SYNE1: variants seen among roughly 807,000 people sequenced by gnomAD.
The protein encoded by SYNE1 is nesprin-1.
A neutral mutation model predicts 1,111.0 loss-of-function variants in SYNE1; 616 were observed. That is an observed-to-expected ratio of 0.55 (90% CI 0.52 to 0.59). The LOEUF (loss-of-function observed/expected upper bound fraction) is 0.59. Ranked by LOEUF, SYNE1 falls within the 20% of genes least tolerant of loss-of-function variation. The pLI, the probability that SYNE1 is intolerant of heterozygous loss-of-function variation, is 0.00. For missense variants in SYNE1, 10,006 were observed against 10,417.0 expected (o/e 0.96, Z 1.72); for synonymous variants, 3,855 against 3,825.8 (o/e 1.01, Z -0.28).
chr6:152,581,493 C>A (rs1226128459), intron 3 of SYNE1, among the ~76,000 whole-genome samples: 1 of 152,198 alleles, frequency 6.6e-6, no homozygotes, highest in Non-Finnish European at 1.5e-5. Context: ...AGGAAAATAA[C>A]CATGTAAACA....
At chr6:152,461,420 G>A (rs2098733478) in intron 21 of SYNE1, among the ~76,000 whole-genome samples, 177 bp downstream of exon 21, 1 of 152,010 alleles carries the variant, frequency 6.6e-6, no homozygotes, top group Admixed American at 6.6e-5. Context: ...CTTGGTATCA[G>A]CATCATAGTT....
In SYNE1 at chr6:152,254,997, T is replaced by G. The variant is rs2090461039; in HGVS notation, c.19353A>C (p.Arg6451=). The part of the protein sequence containing the change: ...SQAFPENGDN[R]DVIEDTLGCL... ...AACCCAAAGTATCTTCAATAACATC[T>G]CGATTATCACCATTCTCTGGAAAAG... The change falls in exon 104 of 146, where the codon CGA becomes CGC. Residue 6451 remains arginine, a synonymous_variant. Coordinates refer to ENST00000367255, the MANE Select transcript of SYNE1 (RefSeq NM_182961.4). 6.2e-7 allele frequency: 1 copy of G among 1,613,928 alleles called. No individual in the cohort carries two copies. Among genetic ancestry groups the G allele is most frequent in the East Asian group, 2.2e-5 (1 of 44,822 alleles).
At chr6:152,541,337 T>C (rs893729468) in intron 3 of SYNE1, among the ~76,000 whole-genome samples, 2 of 152,180 alleles carry the variant, frequency 1.3e-5, no homozygotes, top group African/African-American at 4.8e-5. Context: ...TAGAGATAGA[T>C]CTTTCACCTC....
chr6:152,582,946 G>A lies in SYNE1; in HGVS notation c.68-42925C>T, dbSNP rs775327374. Among the ~76,000 whole-genome samples, 40 of 152,048 alleles carry A rather than the reference G, an allele frequency of 2.6e-4. 1 individual carries two copies. The highest frequency in any genetic ancestry group is 5.3e-4 in the Non-Finnish European group (36 of 68,016). On this transcript the variant is annotated intron_variant, in intron 3 of 145. Transcript: ENST00000367255. ...ATCATATTTAAAATTTTTCATCAGA[G>A]TATTCTATTTAGTAATTGTTTTGCT...
chr6:152,550,811 C>G (rs534658666), intron 3 of SYNE1, among the ~76,000 whole-genome samples: 1 of 152,038 alleles, frequency 6.6e-6, no homozygotes, highest in South Asian at 2.1e-4. Context: ...ATAGTATGTG[C>G]ACCGTATCAC....
intron 3 of SYNE1, among the ~76,000 whole-genome samples, chr6:152,579,546 G>A (rs2099512346): frequency 6.6e-6 from 1 of 152,190 alleles, no homozygotes; most frequent in East Asian, 1.9e-4. Flanking sequence ...GGTTCAGGGG[G>A]TGCATGTACA....
intron 40 of SYNE1, 22 bp downstream of exon 40, chr6:152,419,547 A>T (rs541787074): frequency 2.4e-5 from 18 of 762,458 alleles, no homozygotes; most frequent in Non-Finnish European, 3.1e-5. Flanking sequence ...CTTCAATCTT[A>T]AAAAAAAAAA....
At chr6:152,617,448 A>G (rs1268646809) in intron 3 of SYNE1, among the ~76,000 whole-genome samples, 1 of 152,242 alleles carries the variant, frequency 6.6e-6, no homozygotes, top group Non-Finnish European at 1.5e-5. Flanking sequence ...CCACAGCTCC[A>G]TGAGGAAACA....
chr6:152,591,971 T>C (rs2128523235), intron 3 of SYNE1, among the ~76,000 whole-genome samples: 1 of 152,218 alleles, frequency 6.6e-6, no homozygotes, highest in East Asian at 1.9e-4. Flanking sequence ...CATAATGAGA[T>C]ACCATCTCAC....
intron 4 of SYNE1, among the ~76,000 whole-genome samples, chr6:152,533,625 G>A (rs903481535): frequency 1.3e-5 from 2 of 151,984 alleles, no homozygotes; most frequent in Admixed American, 1.3e-4. Flanking sequence ...TGGCCAGATG[G>A]CTTCAATAAC....
At chr6:152,320,488 T>C (rs989044048) in intron 84 of SYNE1, among the ~76,000 whole-genome samples, 3 of 152,188 alleles carry the variant, frequency 2.0e-5, no homozygotes, top group Non-Finnish European at 4.4e-5. Context: ...CATTAAACTT[T>C]AATAGCTTTA....
chr6:152,637,055 A>G (rs1441127552), intron 1 of SYNE1, 134 bp downstream of exon 1: 1 of 152,300 alleles, frequency 6.6e-6, no homozygotes, highest in Non-Finnish European at 1.5e-5. Context: ...GCCTCTGGGC[A>G]GGGTCCCTGC....
chr6:152,397,896 G>T (rs544683895), intron 49 of SYNE1, among the ~76,000 whole-genome samples: 9 of 151,852 alleles, frequency 5.9e-5, no homozygotes, highest in Non-Finnish European at 1.2e-4. Flanking sequence ...AGCTACTTGG[G>T]AGGCTGAGGC....
intron 100 of SYNE1, among the ~76,000 whole-genome samples, chr6:152,262,894 C>T (rs142528626): frequency 2.0e-4 from 29 of 145,290 alleles, no homozygotes; most frequent in African/African-American, 6.5e-4. Flanking sequence ...GTACAGGGCA[C>T]GGAGGGATAG....
intron 2 of SYNE1, among the ~76,000 whole-genome samples, chr6:152,633,157 G>A (rs191023521): frequency 3.9e-4 from 59 of 152,306 alleles, no homozygotes; most frequent in African/African-American, 1.4e-3. Context: ...GATACTGCGG[G>A]AGCACGAAGG....
At chr6:152,375,746 A>C (rs1380422165) in intron 58 of SYNE1, among the ~76,000 whole-genome samples, 1 of 152,218 alleles carries the variant, frequency 6.6e-6, no homozygotes, top group African/African-American at 2.4e-5. Context: ...GTGAAAATTA[A>C]ATGAGAAAAT....
At position 152,141,281 on chromosome 6, in the gene SYNE1, G is replaced by A. The variant is rs1194250517; in HGVS notation, c.25168C>T (p.Leu8390=). 3 of 1,614,130 alleles carry A rather than the reference G, an allele frequency of 1.9e-6. No individual in the cohort carries two copies. Among genetic ancestry groups the A allele is most frequent in the South Asian group, 1.1e-5 (1 of 91,084 alleles). ...CSSSIDSVKR[L]EHKLKEEEES... ...TCTTCCTCCTTCAGTTTGTGCTCCAGTCTCTTCACGGAGTCTATACTGCTA... is the reference window on the plus strand; with the variant it reads ...TCTTCCTCCTTCAGTTTGTGCTCCAATCTCTTCACGGAGTCTATACTGCTA... Residue 8390 remains leucine, a synonymous_variant, in exon 139 of 146, where the codon CTG becomes TTG. Transcript: ENST00000367255.
At chr6:152,545,157 T>C (rs2099303068) in intron 3 of SYNE1, among the ~76,000 whole-genome samples, 1 of 152,212 alleles carries the variant, frequency 6.6e-6, no homozygotes, top group Non-Finnish European at 1.5e-5. Flanking sequence ...TGATATAGCA[T>C]CTCATGTATC....
At chr6:152,580,727 A>T (rs2099516377) in intron 3 of SYNE1, among the ~76,000 whole-genome samples, 1 of 152,176 alleles carries the variant, frequency 6.6e-6, no homozygotes, top group Admixed American at 6.5e-5. Context: ...TCTTCTGCAT[A>T]TTAGCCATCA....
Sources: allele counts gnomAD v4.1 joint callset (sites outside exome capture counted in the v4.1 genomes callset), GRCh38; gene constraint gnomAD v4.1.1; transcripts MANE v1.5; gene names NCBI Gene and HGNC (gene_info 2026-07-23, HGNC 2026-07-21).